Variants in LRBA observed in about 807,000 individuals in gnomAD.
The protein encoded by LRBA is LPS responsive beige-like anchor protein.
LRBA carries 176 observed loss-of-function variants against 330.0 expected under a neutral mutation model. The observed-to-expected ratio is 0.53, with a 90% CI of 0.47 to 0.60. The LOEUF (loss-of-function observed/expected upper bound fraction) is 0.60. Among genes scored for constraint, LRBA ranks in the 20% least tolerant of loss-of-function variants. The probability of loss-of-function intolerance (pLI) is 0.00; values close to 1 mark genes in which losing one functional copy is unlikely to be tolerated. For missense variants in LRBA, 3,259 were observed against 3,444.8 expected, an observed-to-expected ratio of 0.95 and a Z score of 1.35; for synonymous variants, 1,230 against 1,193.0, an observed-to-expected ratio of 1.03 and a Z score of -0.64.
chr4:150,807,628 TTTGTTGTTGTTGTTG>T (rs57037174), intron 32 of LRBA, among the ~76,000 whole-genome samples: 78 of 149,762 alleles, frequency 5.2e-4, no homozygotes, highest in Admixed American at 1.0e-3. Flanking sequence ...ATATCAGCAT[TTTGTTGTTGTTGTTG>T]TTGTTGTTGT....
chr4:150,279,354 G>A (rs1425333902), intron 55 of LRBA, among the ~76,000 whole-genome samples: 1 of 152,022 alleles, frequency 6.6e-6, no homozygotes, highest in Non-Finnish European at 1.5e-5. Context: ...TGCTTTCTTA[G>A]CTTATTAAGA....
At chr4:150,957,320 C>A (rs1026167063) in intron 2 of LRBA, among the ~76,000 whole-genome samples, 2 of 148,560 alleles carry the variant, frequency 1.3e-5, no homozygotes, top group Non-Finnish European at 2.9e-5. Flanking sequence ...AAAGACATGT[C>A]TTTGCAGGCA....
intron 37 of LRBA, among the ~76,000 whole-genome samples, chr4:150,667,710 C>T (rs1298055436): frequency 1.3e-5 from 2 of 152,154 alleles, no homozygotes; most frequent in Admixed American, 6.5e-5. Context: ...GCTCTCCTTC[C>T]ACCATGTTAG....
chr4:150,597,528 G>A (rs944751364), intron 38 of LRBA, among the ~76,000 whole-genome samples: 11 of 151,794 alleles, frequency 7.2e-5, no homozygotes, highest in African/African-American at 2.6e-4. Context: ...ATGTTTTTAC[G>A]AAAACATATT....
intron 36 of LRBA, among the ~76,000 whole-genome samples, chr4:150,712,869 G>A (rs561185207): frequency 6.6e-6 from 1 of 152,080 alleles, no homozygotes; most frequent in Non-Finnish European, 1.5e-5. Context: ...ACATTTAGGA[G>A]GAAACACAAA....
intron 2 of LRBA, among the ~76,000 whole-genome samples, chr4:150,935,343 T>C (rs1244043164): frequency 6.6e-6 from 1 of 152,128 alleles, no homozygotes; most frequent in Non-Finnish European, 1.5e-5. Context: ...TAAGTTTTCC[T>C]AAATACCTAT....
chr4:150,842,921 T>TA, intron 28 of LRBA, among the ~76,000 whole-genome samples: 1 of 151,338 alleles, frequency 6.6e-6, no homozygotes, highest in East Asian at 1.9e-4. Flanking sequence ...GGGGTGGGGG[T>TA]AGGGGGCATG....
intron 40 of LRBA, among the ~76,000 whole-genome samples, chr4:150,512,717 GAA>G (rs370203536): frequency 1.5e-3 from 154 of 100,658 alleles, no homozygotes; most frequent in East Asian, 5.2e-3. Flanking sequence ...TGCTTTTTGA[GAA>G]AAAAAAAAAA....
chr4:150,517,922 C>T (rs912859857), intron 40 of LRBA, among the ~76,000 whole-genome samples: 1 of 152,168 alleles, frequency 6.6e-6, no homozygotes, highest in Non-Finnish European at 1.5e-5. Flanking sequence ...TAACTAAGCA[C>T]TTATTATGCA....
At chr4:150,754,348 T>G (rs916051683) in intron 35 of LRBA, among the ~76,000 whole-genome samples, 1 of 145,434 alleles carries the variant, frequency 6.9e-6, no homozygotes, top group Non-Finnish European at 1.5e-5. Context: ...ATGATAAACA[T>G]TAATTTAAAT....
At position 150,818,684 on chromosome 4, in the gene LRBA, C is replaced by T. The variant is rs137983848; in HGVS notation, c.5172-1427G>A. ...TAAAACCCATTGCTTAAGAAAATCA[C>T]TGTCTTCTACCAATGTTTTTGCAGG... is the stretch of plus-strand genomic sequence containing the variant. On this transcript the variant is annotated intron_variant, in intron 30 of 56. Coordinates refer to ENST00000651943, the MANE Select transcript of LRBA (RefSeq NM_001364905.1). Among the ~76,000 whole-genome samples the T allele has an allele frequency of 1.7e-3, 265 of 152,006 alleles. 6 individuals carry two copies. The East Asian group carries it at 0.041, about 23-fold the overall frequency.
At chr4:150,404,408 G>A (rs1170941079) in intron 47 of LRBA, among the ~76,000 whole-genome samples, 1 of 152,104 alleles carries the variant, frequency 6.6e-6, no homozygotes, top group Admixed American at 6.6e-5. Context: ...TTTGCTTTTT[G>A]AGAGCATAGT....
chr4:150,744,714 T>A (rs1166454227), intron 35 of LRBA, among the ~76,000 whole-genome samples: 2 of 152,214 alleles, frequency 1.3e-5, no homozygotes, highest in African/African-American at 4.8e-5. Flanking sequence ...TTGAAACTCA[T>A]ATTAACATAA....
At chr4:150,424,649 A>G in intron 46 of LRBA, among the ~76,000 whole-genome samples, 1 of 152,290 alleles carries the variant, frequency 6.6e-6, no homozygotes, top group East Asian at 1.9e-4. Flanking sequence ...ACACACACAC[A>G]GAGTCAGATG....
intron 37 of LRBA, among the ~76,000 whole-genome samples, chr4:150,665,691 C>A (rs534443834): frequency 6.6e-6 from 1 of 152,172 alleles, no homozygotes; most frequent in African/African-American, 2.4e-5. Flanking sequence ...TATTGTAATG[C>A]ACTTCAGATT....
intron 40 of LRBA, among the ~76,000 whole-genome samples, chr4:150,525,277 CT>C (rs141748744): frequency 2.0e-5 from 3 of 148,208 alleles, no homozygotes; most frequent in East Asian, 2.0e-4. Context: ...CATGCTCTGG[CT>C]TTTTTTTTTC....
intron 34 of LRBA, among the ~76,000 whole-genome samples, chr4:150,795,964 T>C (rs1190163891): frequency 3.3e-5 from 5 of 152,022 alleles, no homozygotes. Flanking sequence ...TTTGTAAAGT[T>C]CTAAATCAAA....
At chr4:150,821,197 C>T (rs6836854) in intron 30 of LRBA, among the ~76,000 whole-genome samples, 132,894 of 152,072 alleles carry the variant, frequency 0.87, 58,619 homozygotes, top group Non-Finnish European at 0.95. Context: ...CATAAGGAAT[C>T]TGAAAGATAG....
chr4:150,566,808 T>C (rs1218083254), intron 40 of LRBA, among the ~76,000 whole-genome samples: 5 of 152,136 alleles, frequency 3.3e-5, no homozygotes, highest in Admixed American at 2.6e-4. Context: ...TCAGCACTTA[T>C]GAAATAGAAT....
Sources: gnomAD v4.1 joint callset for allele counts (sites outside exome capture counted in the v4.1 genomes callset) on GRCh38, gnomAD v4.1.1 for gene constraint, MANE v1.5 for transcripts, NCBI Gene and HGNC (gene_info 2026-07-23, HGNC 2026-07-21) for gene names.